Variants in ITPK1 observed in about 807,000 individuals in gnomAD.
ITPK1 encodes the protein inositol-tetrakisphosphate 1-kinase.
A neutral mutation model predicts 45.3 loss-of-function variants in ITPK1; 21 were observed. The observed-to-expected ratio is 0.46, with a 90% CI of 0.33 to 0.67. The LOEUF is 0.67. Ranked by LOEUF, ITPK1 falls within the 30% of genes least tolerant of loss-of-function variation. The pLI is 0.02. For missense variants in ITPK1, 474 were observed against 573.5 expected, an observed-to-expected ratio of 0.83 and a Z score of 1.77; for synonymous variants, 258 against 253.6, an observed-to-expected ratio of 1.02 and a Z score of -0.16.
intron 2 of ITPK1, among the ~76,000 whole-genome samples, chr14:93,108,610 C>T (rs912518347): frequency 7.9e-5 from 12 of 152,264 alleles, no homozygotes; most frequent in African/African-American, 2.7e-4. Flanking sequence ...GACCATCTCA[C>T]CCACAGATTT....
At chr14:93,018,450 G>T (rs534360742) in intron 3 of ITPK1, among the ~76,000 whole-genome samples, 1 of 152,216 alleles carries the variant, frequency 6.6e-6, no homozygotes, top group East Asian at 1.9e-4. Context: ...CCCCCGGAAC[G>T]CAGCAGCTCT....
intron 2 of ITPK1, among the ~76,000 whole-genome samples, chr14:93,098,274 G>A (rs544742541): frequency 6.6e-6 from 1 of 152,162 alleles, no homozygotes; most frequent in South Asian, 2.1e-4. Flanking sequence ...GGCTAACACA[G>A]TGAAACCCCG....
chr14:93,017,621 C>T (rs1457465293), intron 3 of ITPK1, among the ~76,000 whole-genome samples: 1 of 152,244 alleles, frequency 6.6e-6, no homozygotes, highest in Non-Finnish European at 1.5e-5. Flanking sequence ...ACGCGGCCAC[C>T]ACCACCTGCA....
chr14:93,110,233 A>G (rs929835688), intron 2 of ITPK1, among the ~76,000 whole-genome samples: 2 of 152,164 alleles, frequency 1.3e-5, no homozygotes, highest in African/African-American at 2.4e-5. Context: ...AGGCTGGTAG[A>G]AAGTGTTCAT....
At chr14:93,021,592 C>CAAAAAAAGAAA (rs1888464553) in intron 3 of ITPK1, among the ~76,000 whole-genome samples, 1 of 140,150 alleles carries the variant, frequency 7.1e-6, no homozygotes, top group African/African-American at 2.8e-5. Flanking sequence ...GACCCTGTCT[C>CAAAAAAAGAAA]AAAAAAAAAA....
At position 93,068,623 on chromosome 14, in the gene ITPK1, A is replaced by G. The variant is rs529549242; in HGVS notation, c.120+7972T>C. The G allele has an allele frequency of 2.6e-5, 4 of 152,372 alleles. No individual in the cohort carries two copies. In the East Asian group the frequency reaches 7.7e-4, roughly 29 times the overall value. 9.4% of individuals were successfully genotyped at this position (152,372 alleles called of 1,614,324 possible). On this transcript the variant is annotated intron_variant, in intron 3 of 10. Coordinates refer to ENST00000267615, the MANE Select transcript of ITPK1 (RefSeq NM_014216.6). ...CTACCTATGCCCCAGTGACCTGGAA[A>G]TAAAATCCATCAAGAGCACCGGGGT... is the stretch of plus-strand genomic sequence containing the variant.
In ITPK1 at chr14:92,982,061, G is replaced by A. The variant is rs187742071; in HGVS notation, c.364+11819C>T. 2.4e-4 allele frequency among the ~76,000 whole-genome samples: 37 copies of A among 152,354 alleles called. No homozygotes were observed. In the East Asian group the frequency reaches 5.2e-3, roughly 21 times the overall value. The stretch of plus-strand genomic sequence containing the variant: ...GCCACCCAGGAGAGGGAATGGGCAG[G>A]GGCGACATGCCCCAAGACACCCAGC... On this transcript the variant is annotated intron_variant, in intron 5 of 10. Coordinates refer to ENST00000267615, the MANE Select transcript of ITPK1 (RefSeq NM_014216.6).
At chr14:93,009,860 A>G (rs1887804700) in intron 4 of ITPK1, among the ~76,000 whole-genome samples, 1 of 152,024 alleles carries the variant, frequency 6.6e-6, no homozygotes, top group Admixed American at 6.5e-5. Flanking sequence ...CACACCACCC[A>G]CAGTGCCATC....
intron 2 of ITPK1, among the ~76,000 whole-genome samples, chr14:93,109,041 T>G (rs1892636322): frequency 6.6e-6 from 1 of 152,010 alleles, no homozygotes; most frequent in South Asian, 2.1e-4. Flanking sequence ...TATGAAAAAG[T>G]AAAATGCCTG....
At chr14:93,000,181 C>G (rs1466318856) in intron 4 of ITPK1, among the ~76,000 whole-genome samples, 3 of 152,196 alleles carry the variant, frequency 2.0e-5, no homozygotes, top group Non-Finnish European at 2.9e-5. Flanking sequence ...CACTTTTTGG[C>G]TGTTAGGAGC....
At chr14:92,964,032 A>C (rs1245531061) in intron 5 of ITPK1, among the ~76,000 whole-genome samples, 1 of 152,348 alleles carries the variant, frequency 6.6e-6, no homozygotes, top group Admixed American at 6.5e-5. Context: ...AAATCAAGGT[A>C]GATCCAGCCT....
At position 93,075,725 on chromosome 14, in the gene ITPK1, C is replaced by T. The variant is rs148294220; in HGVS notation, c.120+870G>A. ...GCTCCCCAGTGGGCTTTTTGAAAGCCCCTTAGATATTCTAGCAGGGGCCAG... is the reference window on the plus strand; with the variant it reads ...GCTCCCCAGTGGGCTTTTTGAAAGCTCCTTAGATATTCTAGCAGGGGCCAG... On this transcript the variant is annotated intron_variant, in intron 3 of 10. Coordinates refer to ENST00000267615, the MANE Select transcript of ITPK1 (RefSeq NM_014216.6). Among the ~76,000 whole-genome samples the T allele has an allele frequency of 4.2e-3, 632 of 152,260 alleles. 2 individuals are homozygous for T. Among genetic ancestry groups the T allele is most frequent in the African/African-American group, 0.014 (575 of 41,552 alleles).
Position 93,029,461 on chromosome 14 carries a change from GA to G in ITPK1, c.121-12661del, listed in dbSNP as rs369742466. Among the ~76,000 whole-genome samples the G allele has an allele frequency of 3.3e-3, 499 of 152,178 alleles. 2 individuals are homozygous for G. The highest frequency in any genetic ancestry group is 0.011 in the African/African-American group (463 of 41,510). The stretch of plus-strand genomic sequence containing the variant: ...ACATGCCCTGGGCCTAGCAGGGTAA[GA>G]AAAATAAAGCCGTCTCTGGGCAACA... On this transcript the variant is annotated intron_variant, in intron 3 of 10. Coordinates refer to ENST00000267615, the MANE Select transcript of ITPK1 (RefSeq NM_014216.6).
chr14:92,961,685 G>A (rs1885079766), intron 7 of ITPK1, among the ~76,000 whole-genome samples: 1 of 152,240 alleles, frequency 6.6e-6, no homozygotes, highest in Non-Finnish European at 1.5e-5. Flanking sequence ...CTGCAGGGCG[G>A]GCCGGACTGA....
chr14:93,085,287 T>C (rs1891602456), intron 2 of ITPK1, among the ~76,000 whole-genome samples: 1 of 152,250 alleles, frequency 6.6e-6, no homozygotes. Flanking sequence ...CTGCCATGTG[T>C]CTTTTTTATT....
intron 3 of ITPK1, among the ~76,000 whole-genome samples, chr14:93,038,878 T>A (rs761467543): frequency 2.0e-5 from 3 of 152,198 alleles, no homozygotes; most frequent in Non-Finnish European, 4.4e-5. Context: ...AAGACATAAG[T>A]GCCAAGCAAC....
chr14:92,972,910 C>T (rs951203504), intron 5 of ITPK1, among the ~76,000 whole-genome samples: 3 of 152,208 alleles, frequency 2.0e-5, no homozygotes, highest in South Asian at 2.1e-4. Context: ...CCGCACAACC[C>T]AAGATCGTTC....
chr14:93,072,611 T>C (rs1740590), intron 3 of ITPK1, among the ~76,000 whole-genome samples: 117,573 of 149,686 alleles, frequency 0.79, 47,038 homozygotes, highest in African/African-American at 0.94. Flanking sequence ...TATCAAATAT[T>C]ATTCTTTTTT....
At chr14:92,955,160 C>T (rs1246049288) in intron 8 of ITPK1, among the ~76,000 whole-genome samples, 1 of 152,264 alleles carries the variant, frequency 6.6e-6, no homozygotes, top group Admixed American at 6.5e-5. Flanking sequence ...GCCCGGCCAC[C>T]TGCACTTGTA....
Sources: gnomAD v4.1 joint callset for allele counts (sites outside exome capture counted in the v4.1 genomes callset) on GRCh38, gnomAD v4.1.1 for gene constraint, MANE v1.5 for transcripts, NCBI Gene and HGNC (gene_info 2026-07-23, HGNC 2026-07-21) for gene names.